CHN1: variants seen among roughly 807,000 people sequenced by gnomAD.
CHN1 encodes chimerin 1, also known as N-chimaerin.
In CHN1, 37 loss-of-function variants were observed where a neutral mutation model predicts 59.5. The ratio of observed to expected loss-of-function variants is 0.62; its 90% CI spans 0.48 to 0.82. CHN1 has a LOEUF of 0.82. Among genes scored for constraint, CHN1 ranks in the 40% least tolerant of loss-of-function variants. The pLI is 0.00. For missense variants in CHN1, 469 were observed against 571.0 expected (o/e 0.82, Z 1.82); for synonymous variants, 206 against 200.4 (o/e 1.03, Z -0.24).
In CHN1 at chr2:175,004,957, A is replaced by T. The variant is rs1692016288; in HGVS notation, c.-45T>A. 1 of 1,518,384 alleles carries T rather than the reference A, an allele frequency of 6.6e-7. No individual in the cohort carries two copies. The highest frequency in any genetic ancestry group is 8.8e-7 in the Non-Finnish European group (1 of 1,135,998). The allele number at this position is 1,518,384 out of a possible 1,614,324, so 94.1% of individuals were successfully genotyped here. ...GCCCGCGAGTCCAGGCGCTCCTCCCAGGCGGGCTAGGGATCACCTCATCAG... is the reference window on the plus strand; with the variant it reads ...GCCCGCGAGTCCAGGCGCTCCTCCCTGGCGGGCTAGGGATCACCTCATCAG... On this transcript the variant is annotated 5_prime_UTR_variant, in exon 1 of 13. Coordinates refer to ENST00000409900, the MANE Select transcript of CHN1 (RefSeq NM_001822.7).
intron 5 of CHN1, among the ~76,000 whole-genome samples, chr2:174,900,266 G>A (rs186669573): frequency 6.6e-6 from 1 of 152,148 alleles, no homozygotes; most frequent in East Asian, 1.9e-4. Flanking sequence ...GGAGAAGGGA[G>A]GATTGCTTCT....
intron 8 of CHN1, chr2:174,821,929 G>C: frequency 3.9e-6 from 1 of 257,714 alleles, no homozygotes. Context: ...TGTTGTTCTG[G>C]GAATTAGAAG....
Position 175,005,365 on chromosome 2 carries a change from G to A in CHN1, c.-453C>T, listed in dbSNP as rs1574266497. ...CCCGCGGCCTCGCAGACGCCATCTTGCGATAGCGTCTCCCACGAGCTCGGC... is the reference window on the plus strand; with the variant it reads ...CCCGCGGCCTCGCAGACGCCATCTTACGATAGCGTCTCCCACGAGCTCGGC... On this transcript the variant is annotated 5_prime_UTR_variant, in exon 1 of 13. Transcript: ENST00000409900. 9.0e-7 allele frequency: 1 copy of A among 1,105,956 alleles called. No individual in the cohort carries two copies. The highest frequency in any genetic ancestry group is 1.1e-6 in the Non-Finnish European group (1 of 897,204). The allele number at this position is 1,105,956 out of a possible 1,614,324, so 68.5% of individuals were successfully genotyped here. A position where few individuals can be genotyped will look rare whatever the true frequency, so the allele number is the denominator to read the frequency against.
chr2:174,932,266 T>A (rs951480734), intron 3 of CHN1, among the ~76,000 whole-genome samples: 1 of 152,198 alleles, frequency 6.6e-6, no homozygotes, highest in African/African-American at 2.4e-5. Context: ...GTACTCAAGT[T>A]GGCAAGACAA....
chr2:174,884,531 T>C (rs1221207865), intron 5 of CHN1, among the ~76,000 whole-genome samples: 1 of 152,190 alleles, frequency 6.6e-6, no homozygotes, highest in Admixed American at 6.5e-5. Context: ...ACCTGCAATA[T>C]TGTTTAACAA....
intron 5 of CHN1, among the ~76,000 whole-genome samples, chr2:174,878,346 A>G (rs1364296781): frequency 1.3e-5 from 2 of 152,370 alleles, no homozygotes; most frequent in East Asian, 3.9e-4. Context: ...CAACTAGTCA[A>G]AAGCATGCCT....
Position 174,926,762 on chromosome 2 carries a change from AT to A in CHN1, c.115-8198del, listed in dbSNP as rs879446616. 9.6e-3 allele frequency among the ~76,000 whole-genome samples: 1,345 copies of A among 139,730 alleles called. 4 individuals carry two copies. Among genetic ancestry groups the A allele is most frequent in the South Asian group, 0.022 (95 of 4,384 alleles). The allele number at this position is 139,730 out of a possible 152,430, so 91.7% of individuals were successfully genotyped here. On this transcript the variant is annotated intron_variant, in intron 3 of 12. Coordinates refer to ENST00000409900, the MANE Select transcript of CHN1 (RefSeq NM_001822.7). ...CATTTGTCTCTTATCTACCCACACC[AT>A]TTTTTTTTTTTTTAGACGGAGTCTT...
chr2:174,839,516 G>C (rs1027751767), intron 7 of CHN1, among the ~76,000 whole-genome samples: 1 of 151,864 alleles, frequency 6.6e-6, no homozygotes, highest in South Asian at 2.1e-4. Context: ...TGCATATAAA[G>C]TTTCAGTTAT....
intron 5 of CHN1, among the ~76,000 whole-genome samples, chr2:174,906,869 GT>G (rs1344277785): frequency 1.3e-5 from 2 of 152,212 alleles, no homozygotes; most frequent in East Asian, 3.9e-4. Flanking sequence ...GTCATTTTAG[GT>G]TCATTGATCA....
At chr2:174,867,309 G>A (rs1687250711) in intron 6 of CHN1, among the ~76,000 whole-genome samples, 1 of 151,862 alleles carries the variant, frequency 6.6e-6, no homozygotes, top group Admixed American at 6.6e-5. Context: ...CTCGGGAGAT[G>A]GAGGTTGCAG....
intron 5 of CHN1, among the ~76,000 whole-genome samples, chr2:174,879,349 C>G (rs1341268282): frequency 1.3e-5 from 2 of 152,134 alleles, no homozygotes; most frequent in African/African-American, 4.8e-5. Flanking sequence ...TTCTGTAGTT[C>G]AAATTAGACT....
At chr2:174,923,242 G>A (rs1303767769) in intron 3 of CHN1, among the ~76,000 whole-genome samples, 4 of 151,826 alleles carry the variant, frequency 2.6e-5, no homozygotes, top group East Asian at 3.9e-4. Flanking sequence ...CTGGGTTCAC[G>A]CCATTCTCCT....
chr2:174,921,268 G>A (rs1031358395), intron 3 of CHN1, among the ~76,000 whole-genome samples: 7 of 152,146 alleles, frequency 4.6e-5, no homozygotes, highest in African/African-American at 1.7e-4. Context: ...AGCTATTTTG[G>A]TACTGCCTAA....
chr2:174,985,206 C>A (rs1055824573), intron 1 of CHN1, among the ~76,000 whole-genome samples: 7 of 152,130 alleles, frequency 4.6e-5, no homozygotes, highest in African/African-American at 1.4e-4. Flanking sequence ...AAATTATTGA[C>A]AAGATTTCAG....
At chr2:174,969,508 C>T (rs1454927574) in intron 1 of CHN1, among the ~76,000 whole-genome samples, 1 of 152,188 alleles carries the variant, frequency 6.6e-6, no homozygotes, top group Non-Finnish European at 1.5e-5. Flanking sequence ...CACTCTTCTC[C>T]AGCCTCTTTG....
intron 6 of CHN1, among the ~76,000 whole-genome samples, chr2:174,867,989 C>A (rs1043766746): frequency 1.3e-5 from 2 of 152,034 alleles, no homozygotes; most frequent in African/African-American, 4.8e-5. Context: ...TTAATCTATG[C>A]GTAGGAAGAC....
At chr2:174,900,188 G>A (rs1185446658) in intron 5 of CHN1, among the ~76,000 whole-genome samples, 1 of 152,104 alleles carries the variant, frequency 6.6e-6, no homozygotes, top group Non-Finnish European at 1.5e-5. Context: ...AAATCTAGAA[G>A]AAAGTAAATG....
chr2:174,974,095 T>C (rs529255957), intron 1 of CHN1, among the ~76,000 whole-genome samples: 4 of 152,226 alleles, frequency 2.6e-5, no homozygotes, highest in Admixed American at 6.5e-5. Context: ...CAAAATACCG[T>C]GACAATGCCA....
At chr2:174,872,047 G>A (rs1043758296) in intron 6 of CHN1, among the ~76,000 whole-genome samples, 6 of 152,078 alleles carry the variant, frequency 3.9e-5, no homozygotes, top group African/African-American at 7.2e-5. Context: ...TTCAGGAGGC[G>A]GAGGTGGGTA....
Sources: allele counts gnomAD v4.1 joint callset (sites outside exome capture counted in the v4.1 genomes callset), GRCh38; gene constraint gnomAD v4.1.1; transcripts MANE v1.5; gene names NCBI Gene and HGNC (gene_info 2026-07-23, HGNC 2026-07-21).